Variants in ANKS1B observed in about 807,000 individuals in gnomAD.
The protein encoded by ANKS1B is ankyrin repeat and sterile alpha motif domain containing 1B, also known as ankyrin repeat and sterile alpha motif domain-containing protein 1B.
Under a neutral mutation model 148.3 loss-of-function variants are expected in ANKS1B, and 36 were observed. The ratio of observed to expected loss-of-function variants is 0.24; its 90% CI spans 0.19 to 0.32. The LOEUF (loss-of-function observed/expected upper bound fraction) is 0.32. Ranked by LOEUF, ANKS1B falls within the 10% of genes least tolerant of loss-of-function variation. The pLI is 1.00. For synonymous variants in ANKS1B, 542 were observed against 560.8 expected, an observed-to-expected ratio of 0.97 and a Z score of 0.47; for missense variants, 1,157 against 1,542.6, an observed-to-expected ratio of 0.75 and a Z score of 4.19.
chr12:99,369,788 A>AGATAGATAGATAGACG (rs770146685), intron 12 of ANKS1B, among the ~76,000 whole-genome samples: 23 of 103,908 alleles, frequency 2.2e-4, no homozygotes, highest in Admixed American at 4.4e-4. Flanking sequence ...ATAGATAGAT[A>AGATAGATAGATAGACG]GATGGACGGA....
intron 8 of ANKS1B, among the ~76,000 whole-genome samples, chr12:99,742,099 T>A (rs1461899049): frequency 1.3e-5 from 2 of 151,458 alleles, no homozygotes; most frequent in East Asian, 3.9e-4. Context: ...TGGAGCCTAT[T>A]GGAGGGTGGA....
intron 1 of ANKS1B, among the ~76,000 whole-genome samples, chr12:99,846,497 T>C (rs1022794859): frequency 1.3e-5 from 2 of 152,186 alleles, no homozygotes; most frequent in South Asian, 2.1e-4. Context: ...GGATTTTTGA[T>C]AAAACAAGGT....
At chr12:99,681,102 C>T (rs537290654) in intron 8 of ANKS1B, among the ~76,000 whole-genome samples, 16 of 152,120 alleles carry the variant, frequency 1.1e-4, no homozygotes, top group Non-Finnish European at 1.8e-4. Flanking sequence ...CTCTTGGGAG[C>T]TCCATGGCCC....
intron 8 of ANKS1B, among the ~76,000 whole-genome samples, chr12:99,682,888 G>A (rs1172481549): frequency 1.3e-5 from 2 of 152,120 alleles, no homozygotes; most frequent in African/African-American, 4.8e-5. Context: ...TTTTCATGCT[G>A]CTGATAAAGA....
At chr12:99,018,983 A>G (rs2099944163) in intron 17 of ANKS1B, among the ~76,000 whole-genome samples, 1 of 152,212 alleles carries the variant, frequency 6.6e-6, no homozygotes, top group Non-Finnish European at 1.5e-5. Context: ...ACATGTTGCT[A>G]TATAGTTATG....
chr12:99,007,158 G>A (rs756875562), intron 17 of ANKS1B, among the ~76,000 whole-genome samples: 2 of 152,200 alleles, frequency 1.3e-5, no homozygotes, highest in Non-Finnish European at 2.9e-5. Context: ...TTAAGGATGT[G>A]ATGTGGGAGC....
At chr12:99,007,995 A>G (rs2099937130) in intron 17 of ANKS1B, among the ~76,000 whole-genome samples, 1 of 150,758 alleles carries the variant, frequency 6.6e-6, no homozygotes. Context: ...ATCAGCTCTA[A>G]CTACACTGCT....
At chr12:98,837,449 T>C (rs1007610256) in intron 17 of ANKS1B, among the ~76,000 whole-genome samples, 3 of 152,210 alleles carry the variant, frequency 2.0e-5, no homozygotes, top group Non-Finnish European at 4.4e-5. Context: ...AGGAGTATTG[T>C]TGAAACCACA....
At chr12:99,919,577 C>A (rs1033468357) in intron 1 of ANKS1B, among the ~76,000 whole-genome samples, 1 of 152,082 alleles carries the variant, frequency 6.6e-6, no homozygotes, top group Non-Finnish European at 1.5e-5. Flanking sequence ...AGCAGGTAGA[C>A]CCAGCCATAG....
At chr12:99,044,837 A>AT (rs1028393177) in intron 17 of ANKS1B, among the ~76,000 whole-genome samples, 1 of 152,150 alleles carries the variant, frequency 6.6e-6, no homozygotes, top group African/African-American at 2.4e-5. Flanking sequence ...CAGGGCAGGT[A>AT]TTTTTTATCC....
chr12:98,930,436 A>C (rs1341515901), intron 17 of ANKS1B, among the ~76,000 whole-genome samples: 1 of 152,164 alleles, frequency 6.6e-6, no homozygotes. Flanking sequence ...TCCTAGGTAT[A>C]CACCCAAGAG....
intron 14 of ANKS1B, among the ~76,000 whole-genome samples, chr12:99,159,692 T>C (rs1213734767): frequency 6.6e-6 from 1 of 152,196 alleles, no homozygotes; most frequent in Non-Finnish European, 1.5e-5. Flanking sequence ...GATGAACATA[T>C]GAGCACAGAT....
chr12:98,888,259 G>A (rs967972733), intron 17 of ANKS1B, among the ~76,000 whole-genome samples: 17 of 152,104 alleles, frequency 1.1e-4, no homozygotes, highest in Admixed American at 1.1e-3. Flanking sequence ...TTTGTACTTT[G>A]TATTTTCCTG....
intron 24 of ANKS1B, among the ~76,000 whole-genome samples, chr12:98,779,837 C>A (rs2098716399): frequency 6.6e-6 from 1 of 152,162 alleles, no homozygotes; most frequent in Admixed American, 6.5e-5. Flanking sequence ...TGTCAACAAC[C>A]ATCAACAATA....
intron 8 of ANKS1B, among the ~76,000 whole-genome samples, chr12:99,684,956 C>T (rs1474059867): frequency 1.3e-5 from 2 of 152,112 alleles, no homozygotes; most frequent in Non-Finnish European, 2.9e-5. Flanking sequence ...AAATCTAACA[C>T]CTGAAACCAT....
At chr12:99,383,705 T>A (rs2093736269) in intron 12 of ANKS1B, among the ~76,000 whole-genome samples, 1 of 151,974 alleles carries the variant, frequency 6.6e-6, no homozygotes, top group East Asian at 1.9e-4. Context: ...ATAACAGTCA[T>A]TAGGATTCAT....
Position 99,961,890 on chromosome 12 carries a change from A to T in ANKS1B, c.134+22214T>A, listed in dbSNP as rs1459946380. ...AGCATTTCTATGGACACCCAAGGAC[A>T]CCATAAAAACAGAAAGCCAAGATAC... On this transcript the variant is annotated intron_variant, in intron 1 of 26. Transcript: ENST00000683438. Among the ~76,000 whole-genome samples the T allele has an allele frequency of 2.6e-5, 4 of 152,314 alleles. No homozygotes were observed. In the East Asian group the frequency reaches 7.7e-4, roughly 29 times the overall value.
rs184037892 is a variant in ANKS1B at position 99,696,576 on chromosome 12, A to G, written c.1129-41366T>C. On this transcript the variant is annotated intron_variant, in intron 8 of 26. Transcript: ENST00000683438. ...TCTTACACTTTTCACAAATTAATTCAAAATGGATCATAAGCCTAAATGTAA... is the reference window on the plus strand; with the variant it reads ...TCTTACACTTTTCACAAATTAATTCGAAATGGATCATAAGCCTAAATGTAA... Among the ~76,000 whole-genome samples the G allele has an allele frequency of 4.1e-4, 63 of 152,332 alleles. 1 individual carries two copies. The South Asian group carries it at 8.5e-3, about 21-fold the overall frequency.
intron 9 of ANKS1B, among the ~76,000 whole-genome samples, chr12:99,518,323 A>G (rs1412418783): frequency 6.6e-6 from 1 of 152,104 alleles, no homozygotes; most frequent in East Asian, 1.9e-4. Context: ...AGAATTCAGC[A>G]GTGAAGCCAT....
Sources: allele counts gnomAD v4.1 joint callset (sites outside exome capture counted in the v4.1 genomes callset), GRCh38; gene constraint gnomAD v4.1.1; transcripts MANE v1.5; gene names NCBI Gene and HGNC (gene_info 2026-07-23, HGNC 2026-07-21).